KLF17: variants seen among roughly 807,000 people sequenced by gnomAD.
KLF17 encodes the protein KLF transcription factor 17, also known as Krueppel-like factor 17.
A neutral mutation model predicts 34.2 loss-of-function variants in KLF17; 31 were observed. The observed-to-expected ratio is 0.91, with a 90% CI of 0.68 to 1.22. The LOEUF is 1.22. Ranked by LOEUF, KLF17 falls within the 50% of genes most tolerant of loss-of-function variation. The pLI is 0.00. For missense variants in KLF17, 478 were observed against 505.2 expected, an observed-to-expected ratio of 0.95 and a Z score of 0.52; for synonymous variants, 179 against 186.7, an observed-to-expected ratio of 0.96 and a Z score of 0.34.
chr1:44,076,613 T>A, the KLF17 span: 1 of 152,226 alleles, frequency 6.6e-6, no homozygotes, highest in Non-Finnish European at 1.5e-5. Flanking sequence ...TAATTTGCAT[T>A]TTCCTGATTA....
Position 44,118,821 on chromosome 1 carries a change from G to C in KLF17, c.-87G>C. The C allele has an allele frequency of 1.0e-6, 1 of 953,470 alleles. No individual in the cohort carries two copies. The highest frequency in any genetic ancestry group is 1.9e-5 in the South Asian group (1 of 52,806). 59.1% of individuals were successfully genotyped at this position (953,470 alleles called of 1,614,324 possible). A position where few individuals can be genotyped will look rare whatever the true frequency, so the allele number is the denominator to read the frequency against. ...TAGGTAAATAGAAGGTGATTGTGGC[G>C]TGGCGATGTACCGATACCCGCCTGC... On this transcript the variant is annotated 5_prime_UTR_variant, in exon 1 of 4. Coordinates refer to ENST00000372299, the MANE Select transcript of KLF17 (RefSeq NM_173484.4).
chr1:44,083,283 T>TC, the KLF17 span, among the ~76,000 whole-genome samples: 1 of 148,718 alleles, frequency 6.7e-6, no homozygotes, highest in East Asian at 2.0e-4. Flanking sequence ...TGAGTAGGGT[T>TC]TTTTTTTTTT....
At chr1:44,107,524 A>G in the KLF17 span, among the ~76,000 whole-genome samples, 2 of 152,188 alleles carry the variant, frequency 1.3e-5, no homozygotes, top group Non-Finnish European at 2.9e-5. Flanking sequence ...CAATTCATAA[A>G]TTTTAAATTG....
chr1:44,118,954 T>A lies in KLF17; in HGVS notation c.47T>A (p.Leu16Gln), dbSNP rs2087912638. Residue 16 changes from leucine to glutamine, a missense_variant, in exon 1 of 4, where the codon CTG (leucine) becomes CAG (glutamine). Physicochemically the swap from Leu to Gln is moderately radical, Grantham distance 113. Transcript: ENST00000372299. ...QAEMEQEAGE[L>Q]SRWQAAHQAA... Reference sequence around the variant, plus strand: ...GAGATGGAACAGGAGGCTGGGGAGCTGAGCCGGTGGCAGGCGGCGCACCAG... The same window carrying A: ...GAGATGGAACAGGAGGCTGGGGAGCAGAGCCGGTGGCAGGCGGCGCACCAG... 6.2e-7 allele frequency: 1 copy of A among 1,611,616 alleles called. No homozygotes were observed. The highest frequency in any genetic ancestry group is 2.2e-5 in the East Asian group (1 of 44,752).
At chr1:44,047,481 T>C in the KLF17 span, among the ~76,000 whole-genome samples, 2 of 152,108 alleles carry the variant, frequency 1.3e-5, no homozygotes, top group African/African-American at 4.8e-5. Context: ...GGGGCTGCCA[T>C]GGTTGATAAA....
the KLF17 span, among the ~76,000 whole-genome samples, chr1:44,066,734 C>T: frequency 1.6e-4 from 24 of 152,188 alleles, no homozygotes; most frequent in African/African-American, 5.1e-4. Flanking sequence ...TAGCCAGTAG[C>T]GCTATATGTA....
the KLF17 span, among the ~76,000 whole-genome samples, chr1:44,079,878 T>C: frequency 9.6e-3 from 1,459 of 152,182 alleles, 24 homozygotes; most frequent in African/African-American, 0.033. Flanking sequence ...TTCTAGCCTG[T>C]CTGTTTTACC....
the KLF17 span, among the ~76,000 whole-genome samples, chr1:44,072,500 A>G: frequency 6.6e-6 from 1 of 151,958 alleles, no homozygotes; most frequent in Non-Finnish European, 1.5e-5. Context: ...CAGCCTGGGC[A>G]ACATAGCAAG....
At chr1:44,095,449 A>G in the KLF17 span, among the ~76,000 whole-genome samples, 8 of 146,968 alleles carry the variant, frequency 5.4e-5, no homozygotes, top group Non-Finnish European at 1.2e-4. Context: ...TCCCGACCTC[A>G]GGTGATCCAC....
rs1261476828 is a variant in KLF17, at chr1:44,134,094, G to C, written c.*857G>C. 1 of 152,236 alleles carries C rather than the reference G, an allele frequency of 6.6e-6. No individual in the cohort carries two copies. The highest frequency in any genetic ancestry group is 1.5e-5 in the Non-Finnish European group (1 of 68,122). 9.4% of individuals were successfully genotyped at this position (152,236 alleles called of 1,614,324 possible). On this transcript the variant is annotated 3_prime_UTR_variant, in exon 4 of 4. Transcript: ENST00000372299. ...GGAATGTAGGATGAGAGGCCTGCTT[G>C]GTGACCTAGCATTTTCACCAAGAAG...
At position 44,129,743 on chromosome 1, in the gene KLF17, C is replaced by G. The variant is rs1325338066; in HGVS notation, c.472C>G (p.Leu158Val). The change falls in exon 2 of 4, where the codon CTG becomes GTG. Residue 158 changes from leucine to valine, a missense_variant. Leu to Val is a conservative substitution (Grantham distance 32, BLOSUM62 1). Coordinates refer to ENST00000372299, the MANE Select transcript of KLF17 (RefSeq NM_173484.4). ...GAATCTAAGGATGCCCCCCAATGGG[C>G]TGCCAGTCTCGGCTTCCACTGGAAT... is the stretch of plus-strand genomic sequence containing the variant. Reference protein sequence around the residue: ...GGNLRMPPNGLPVSASTGIPI... With the variant: ...GGNLRMPPNGVPVSASTGIPI... 6.2e-7 allele frequency: 1 copy of G among 1,614,038 alleles called. No individual in the cohort carries two copies. The highest frequency in any genetic ancestry group is 1.3e-5 in the African/African-American group (1 of 74,934).
At position 44,134,903 on chromosome 1, in the gene KLF17, C is replaced by T. The variant is rs1290913725; in HGVS notation, c.*1666C>T. 2 of 151,946 alleles carry T rather than the reference C, an allele frequency of 1.3e-5. No homozygotes were observed. Among genetic ancestry groups the T allele is most frequent in the Non-Finnish European group, 2.9e-5 (2 of 68,010 alleles). 9.4% of individuals were successfully genotyped at this position (151,946 alleles called of 1,614,324 possible). On this transcript the variant is annotated 3_prime_UTR_variant, in exon 4 of 4. Coordinates refer to ENST00000372299, the MANE Select transcript of KLF17 (RefSeq NM_173484.4). The stretch of plus-strand genomic sequence containing the variant: ...GGTTCCTGACTTGTGTTATAAGTAA[C>T]ACAGAAGAAGAATGGATGAACTTGA...
At chr1:44,072,423 G>A in the KLF17 span, among the ~76,000 whole-genome samples, 6 of 152,176 alleles carry the variant, frequency 3.9e-5, no homozygotes, top group African/African-American at 1.2e-4. Context: ...AGCTGCAGTG[G>A]CTCATGCCTA....
chr1:44,091,925 A>C, the KLF17 span, among the ~76,000 whole-genome samples: 1 of 146,766 alleles, frequency 6.8e-6, no homozygotes, highest in Middle Eastern at 3.4e-3. Flanking sequence ...AAAAAAAAAA[A>C]AACCCAAAAA....
chr1:44,101,846 G>C, the KLF17 span, among the ~76,000 whole-genome samples: 142 of 151,932 alleles, frequency 9.3e-4, no homozygotes, highest in African/African-American at 3.2e-3. Context: ...AGGCAATGTA[G>C]TGAAACCGTG....
At chr1:44,049,479 C>T in the KLF17 span, among the ~76,000 whole-genome samples, 1 of 152,254 alleles carries the variant, frequency 6.6e-6, no homozygotes, top group African/African-American at 2.4e-5. Context: ...TAGAATTATA[C>T]AGTATATATT....
At chr1:44,131,090 C>A (rs1274864949) in intron 3 of KLF17, among the ~76,000 whole-genome samples, 2 of 152,188 alleles carry the variant, frequency 1.3e-5, no homozygotes, top group South Asian at 4.1e-4. Context: ...CCACCGCAGC[C>A]GGCCTCATTC....
chr1:44,105,261 G>A, the KLF17 span, among the ~76,000 whole-genome samples: 2 of 152,134 alleles, frequency 1.3e-5, no homozygotes, highest in African/African-American at 2.4e-5. Context: ...AGTCTCGTAT[G>A]GATGAAGGGC....
chr1:44,090,653 A>G, the KLF17 span, among the ~76,000 whole-genome samples: 1 of 152,120 alleles, frequency 6.6e-6, no homozygotes, highest in Non-Finnish European at 1.5e-5. Flanking sequence ...TGTAGATCAG[A>G]GCACTGACCA....
Sources: gnomAD v4.1 joint callset for allele counts (sites outside exome capture counted in the v4.1 genomes callset) on GRCh38, gnomAD v4.1.1 for gene constraint, MANE v1.5 for transcripts, NCBI Gene and HGNC (gene_info 2026-07-23, HGNC 2026-07-21) for gene names.